Variants in ENOX2 observed in about 807,000 individuals in gnomAD.
ENOX2 encodes ecto-NOX disulfide-thiol exchanger 2, also known as APK1 antigen.
A neutral mutation model predicts 45.0 loss-of-function variants in ENOX2; 36 were observed. The observed-to-expected ratio is 0.80, with a 90% CI of 0.61 to 1.06. The LOEUF (loss-of-function observed/expected upper bound fraction) is 1.06. Among genes scored for constraint, ENOX2 ranks in the 50% least tolerant of loss-of-function variants. ENOX2 has a pLI of 0.00. For missense variants in ENOX2, 423 were observed against 462.5 expected (o/e 0.91, Z 0.78); for synonymous variants, 174 against 152.3 (o/e 1.14, Z -1.05).
At chrX:130,900,709 T>G (rs182346746) in intron 2 of ENOX2, among the ~76,000 whole-genome samples, 1 of 112,221 alleles carries the variant, frequency 8.9e-6, no homozygotes, top group Non-Finnish European at 1.9e-5. Flanking sequence ...CTATCTCATG[T>G]CACCTCCTCA....
intron 12 of ENOX2, among the ~76,000 whole-genome samples, chrX:130,633,661 C>CA (rs1014152756): frequency 6.2e-5 from 7 of 112,114 alleles, no homozygotes; most frequent in Admixed American, 5.7e-4. Flanking sequence ...GCTACTTACA[C>CA]AAAAAAATGT....
At chrX:130,631,356 G>T in intron 13 of ENOX2, 112 bp downstream of exon 13, 1 of 493,261 alleles carries the variant, frequency 2.0e-6, no homozygotes, top group Non-Finnish European at 3.6e-6. Context: ...GAGTTCTTGC[G>T]CTGCCATGCT....
chrX:130,742,245 CTTTTT>C (rs67776619), intron 3 of ENOX2, among the ~76,000 whole-genome samples: 17 of 60,139 alleles, frequency 2.8e-4, no homozygotes, highest in African/African-American at 7.0e-5. Context: ...AGATAATTTC[CTTTTT>C]TTTTTTTTTT....
intron 3 of ENOX2, among the ~76,000 whole-genome samples, chrX:130,750,610 T>C (rs1015213101): frequency 1.8e-5 from 2 of 111,437 alleles, no homozygotes; most frequent in African/African-American, 3.3e-5. Context: ...CTATAACACA[T>C]GGTATCTGTC....
intron 10 of ENOX2, among the ~76,000 whole-genome samples, chrX:130,642,987 G>C (rs933390950): frequency 6.3e-5 from 7 of 111,343 alleles, no homozygotes; most frequent in African/African-American, 2.0e-4. Context: ...AGGTATTCCT[G>C]TATGCATTTA....
chrX:130,683,837 G>C (rs1480892700), intron 5 of ENOX2, among the ~76,000 whole-genome samples: 1 of 109,950 alleles, frequency 9.1e-6, no homozygotes, highest in Non-Finnish European at 1.9e-5. Context: ...AGAGAATGTT[G>C]CTTCTGCAAC....
intron 5 of ENOX2, among the ~76,000 whole-genome samples, chrX:130,683,155 T>G (rs1030460101): frequency 8.9e-6 from 1 of 112,202 alleles, no homozygotes; most frequent in Non-Finnish European, 1.9e-5. Context: ...GGGAGCTATG[T>G]TGGGGCAATC....
intron 3 of ENOX2, chrX:130,709,153 C>T: frequency 1.3e-6 from 1 of 796,482 alleles, no homozygotes; most frequent in Non-Finnish European, 1.9e-6. Context: ...GCACCCTTTA[C>T]TGTGACTAGC....
At chrX:130,628,885 T>A (rs1295629745) in intron 13 of ENOX2, among the ~76,000 whole-genome samples, 1 of 107,343 alleles carries the variant, frequency 9.3e-6, no homozygotes, top group Non-Finnish European at 2.0e-5. Flanking sequence ...AAGTATAATA[T>A]TTCTTTCTTT....
chrX:130,806,698 A>T (rs895991875), intron 2 of ENOX2, among the ~76,000 whole-genome samples: 10 of 112,239 alleles, frequency 8.9e-5, no homozygotes, highest in Non-Finnish European at 1.5e-4. Context: ...CATTAATTAG[A>T]TTCCCTCACA....
intron 6 of ENOX2, among the ~76,000 whole-genome samples, chrX:130,675,685 A>G (rs1381044546): frequency 9.0e-6 from 1 of 111,628 alleles, no homozygotes; most frequent in African/African-American, 3.3e-5. Flanking sequence ...AAATGACACT[A>G]ATCTGATAGA....
intron 3 of ENOX2, among the ~76,000 whole-genome samples, chrX:130,738,677 T>C (rs1377341286): frequency 8.9e-6 from 1 of 112,258 alleles, no homozygotes; most frequent in Admixed American, 9.4e-5. Context: ...ATTTAAGTTT[T>C]TGGCAAATCA....
chrX:130,773,520 G>A (rs749102575), intron 3 of ENOX2, among the ~76,000 whole-genome samples: 5 of 112,011 alleles, frequency 4.5e-5, no homozygotes, highest in African/African-American at 1.6e-4. Context: ...TGGTCATAGC[G>A]GTTGGCATAC....
chrX:130,771,791 C>T (rs1308476099), intron 3 of ENOX2, among the ~76,000 whole-genome samples: 1 of 112,196 alleles, frequency 8.9e-6, no homozygotes, highest in Non-Finnish European at 1.9e-5. Flanking sequence ...GTGCACAGGT[C>T]TCACTGTCAT....
At chrX:130,849,814 C>G (rs754535804) in intron 2 of ENOX2, among the ~76,000 whole-genome samples, 2 of 111,586 alleles carry the variant, frequency 1.8e-5, no homozygotes, top group South Asian at 7.5e-4. Context: ...TTTTTTTTAG[C>G]AGCCAACCCT....
intron 10 of ENOX2, among the ~76,000 whole-genome samples, chrX:130,647,776 T>C: frequency 9.0e-6 from 1 of 110,730 alleles, no homozygotes; most frequent in Non-Finnish European, 1.9e-5. Flanking sequence ...TTTTTTTCAG[T>C]GGAGCTTTTT....
intron 3 of ENOX2, among the ~76,000 whole-genome samples, chrX:130,749,913 T>C (rs1386750072): frequency 9.0e-6 from 1 of 110,561 alleles, no homozygotes; most frequent in African/African-American, 3.3e-5. Context: ...TGTGTCTCCT[T>C]GTCTGTTTTG....
intron 3 of ENOX2, among the ~76,000 whole-genome samples, chrX:130,775,315 G>A (rs936659478): frequency 9.1e-6 from 1 of 110,116 alleles, no homozygotes; most frequent in Admixed American, 9.7e-5. Flanking sequence ...TGGAGTTCAA[G>A]GCTGCAGTGA....
chrX:130,636,142 T>C (rs2035926234), intron 11 of ENOX2, among the ~76,000 whole-genome samples: 1 of 111,901 alleles, frequency 8.9e-6, no homozygotes, highest in Admixed American at 9.4e-5. Context: ...CTTTGAAGTG[T>C]AGGTGAGGAG....
Sources: gnomAD v4.1 joint callset for allele counts (sites outside exome capture counted in the v4.1 genomes callset) on GRCh38, gnomAD v4.1.1 for gene constraint, MANE v1.5 for transcripts, NCBI Gene and HGNC (gene_info 2026-07-23, HGNC 2026-07-21) for gene names.